OGFR: variants seen among roughly 807,000 people sequenced by gnomAD.
The protein encoded by OGFR is protein 7-60.
OGFR carries 18 observed loss-of-function variants against 33.6 expected under a neutral mutation model. The observed-to-expected ratio is 0.54, with a 90% CI of 0.37 to 0.80. The LOEUF is 0.80. Ranked by LOEUF, OGFR falls within the 30% of genes least tolerant of loss-of-function variation. The probability of loss-of-function intolerance (pLI) is 0.00; values close to 1 mark genes in which losing one functional copy is unlikely to be tolerated. For synonymous variants in OGFR, 370 were observed against 400.7 expected (o/e 0.92, Z 0.91); for missense variants, 877 against 955.8 (o/e 0.92, Z 1.09).
rs1395319420 is a variant in OGFR at position 62,811,568 on chromosome 20, G to C, written c.572G>C (p.Gly191Ala). 4 of 1,601,308 alleles carry C rather than the reference G, an allele frequency of 2.5e-6. No individual in the cohort carries two copies. Among genetic ancestry groups the C allele is most frequent in the Non-Finnish European group, 3.4e-6 (4 of 1,174,898 alleles). The change falls in exon 6 of 7, where the codon GGC (glycine) becomes GCC (alanine). Residue 191 changes from glycine (G) to alanine (A), a missense_variant. Gly to Ala is a moderately conservative substitution (Grantham distance 60). Around this residue, in one of 3 missense-constraint regions of OGFR, gnomAD observed 760 missense variants for 736.0 expected, o/e 1.03. Coordinates refer to ENST00000290291, the MANE Select transcript of OGFR (RefSeq NM_007346.4). Reference protein sequence around the residue: ...RLEDRGTGTVGRAQNYQKRFQ... With the variant: ...RLEDRGTGTVARAQNYQKRFQ... ...GAGGACCGAGGCACGGGCACGGTGG[G>C]CCGAGCACAGAACTACCAGAAGCGC...
At chr20:62,809,466 G>C in intron 3 of OGFR, 119 bp from the exon 4 acceptor site, 1 of 760,684 alleles carries the variant, frequency 1.3e-6, no homozygotes, top group Non-Finnish European at 2.4e-6. Context: ...ATGAGGGCGA[G>C]GAATAGCTTG....
intron 6 of OGFR, 63 bp downstream of exon 6, chr20:62,811,673 G>A (rs979008867): frequency 1.1e-5 from 16 of 1,474,374 alleles, no homozygotes; most frequent in African/African-American, 4.4e-5. Flanking sequence ...GTCAGGTTTC[G>A]GGCAGGTCAC....
rs1403207213 is a variant in OGFR, at chr20:62,812,486, A to G, written c.871A>G (p.Lys291Glu). The change falls in exon 7 of 7, where the codon AAG becomes GAG. Residue 291 changes from lysine (K) to glutamate (E), a missense_variant. Physicochemically the swap from Lys to Glu is moderately conservative, Grantham distance 56. Coordinates refer to ENST00000290291, the MANE Select transcript of OGFR (RefSeq NM_007346.4). Reference protein sequence around the residue: ...RCKFVWGPQDKLRRFKPSSLP... With the variant: ...RCKFVWGPQDELRRFKPSSLP... ...CAAGTTCGTCTGGGGGCCCCAAGAC[A>G]AGCTGCGGAGGTTCAAGCCCAGCTC... 4.4e-6 allele frequency: 7 copies of G among 1,579,704 alleles called. No individual in the cohort carries two copies. The highest frequency in any genetic ancestry group is 6.0e-6 in the Non-Finnish European group (7 of 1,163,286).
rs531358136 is a variant in OGFR, at chr20:62,805,002, C to A, written c.143C>A (p.Pro48Gln). 5.0e-5 allele frequency: 73 copies of A among 1,458,678 alleles called. No homozygotes were observed. Among genetic ancestry groups the A allele is most frequent in the Non-Finnish European group, 6.5e-5 (72 of 1,108,218 alleles). 90.4% of individuals were successfully genotyped at this position (1,458,678 alleles called of 1,614,324 possible). The change falls in exon 1 of 7, where the codon CCG becomes CAG. Residue 48 changes from proline to glutamine, a missense_variant. Physicochemically the swap from Pro to Gln is moderately conservative, Grantham distance 76. This residue lies in a region of OGFR where 760 missense variants were observed against 736.0 expected (regional missense o/e 1.03). Coordinates refer to ENST00000290291, the MANE Select transcript of OGFR (RefSeq NM_007346.4). ...GACGAGGACGAGGAGTCGGAGGAGCCGCGGGCGGCGCGGCCCAGCTCGTTC... is the reference window on the plus strand; with the variant it reads ...GACGAGGACGAGGAGTCGGAGGAGCAGCGGGCGGCGCGGCCCAGCTCGTTC... ...AGDEDEESEE[P>Q]RAARPSSFQS...
At chr20:62,810,271 T>G (rs1487635834) in intron 4 of OGFR, among the ~76,000 whole-genome samples, 2 of 152,174 alleles carry the variant, frequency 1.3e-5, no homozygotes, top group Non-Finnish European at 2.9e-5. Context: ...TCCCCAGTCC[T>G]GCTGAGCATG....
intron 4 of OGFR, 28 bp downstream of exon 4, chr20:62,809,691 G>A (rs1411411627): frequency 6.5e-7 from 1 of 1,531,756 alleles, no homozygotes; most frequent in Admixed American, 1.7e-5. Flanking sequence ...GGGGGATGGG[G>A]GGTTGGCGAG....
chr20:62,812,942 T>C lies in OGFR; in HGVS notation c.1327T>C (p.Cys443Arg). The C allele has an allele frequency of 6.2e-7, 1 of 1,612,236 alleles. No homozygotes were observed. The highest frequency in any genetic ancestry group is 8.5e-7 in the Non-Finnish European group (1 of 1,179,802). Reference protein sequence around the residue: ...GQDPGEAVQPCRQPLGARVAD... With the variant: ...GQDPGEAVQPRRQPLGARVAD... Reference sequence around the variant, plus strand: ...GGACCCTGGGGAGGCAGTGCAGCCCTGCCGCCAACCCCTGGGAGCCAGGGT... The same window carrying C: ...GGACCCTGGGGAGGCAGTGCAGCCCCGCCGCCAACCCCTGGGAGCCAGGGT... Residue 443 changes from cysteine to arginine, a missense_variant, in exon 7 of 7, where the codon TGC becomes CGC. Transcript: ENST00000290291.
In OGFR at chr20:62,808,229, C is replaced by T; in HGVS notation, c.241-18C>T. ...GTGTCTGATGGATCCCTGCTGTCCC[C>T]TTTCTCTGGCTCTTCAGGATCTGGT... On this transcript the variant is annotated intron_variant, in intron 2 of 6. Transcript: ENST00000290291. 1 of 1,604,324 alleles carries T rather than the reference C, an allele frequency of 6.2e-7. No individual in the cohort carries two copies.
At chr20:62,810,434 AG>A in intron 4 of OGFR, 64 bp from the exon 5 acceptor site, 2 of 1,525,974 alleles carry the variant, frequency 1.3e-6, no homozygotes, top group Non-Finnish European at 1.8e-6. Flanking sequence ...CTACACAGCG[AG>A]CACCTGCCCA....
chr20:62,812,587 C>G lies in OGFR; in HGVS notation c.972C>G (p.Ser324Arg), dbSNP rs756096081. ...GSPGDPDHEASTQGRTCGPEH... is the reference protein window; with the variant it reads ...GSPGDPDHEARTQGRTCGPEH... ...CCGGGGACCCCGACCACGAGGCCAGCACCCAGGGTCGGACCTGTGGGCCAG... is the reference window on the plus strand; with the variant it reads ...CCGGGGACCCCGACCACGAGGCCAGGACCCAGGGTCGGACCTGTGGGCCAG... Residue 324 changes from serine (S) to arginine (R), a missense_variant, in exon 7 of 7, where the codon AGC becomes AGG. Around this residue, in one of 3 missense-constraint regions of OGFR, gnomAD observed 760 missense variants for 736.0 expected, o/e 1.03. Coordinates refer to ENST00000290291, the MANE Select transcript of OGFR (RefSeq NM_007346.4). 43 of 1,571,460 alleles carry G rather than the reference C, an allele frequency of 2.7e-5. No individual in the cohort carries two copies. In the Middle Eastern group the frequency reaches 5.0e-4, roughly 18 times the overall value.
intron 1 of OGFR, chr20:62,806,113 T>C (rs1264215362): frequency 6.6e-6 from 1 of 152,340 alleles, no homozygotes; most frequent in Non-Finnish European, 1.5e-5. Flanking sequence ...ACCTGTGGGC[T>C]GACTGTGTGG....
chr20:62,808,183 C>A, intron 2 of OGFR, 64 bp from the exon 3 acceptor site: 1 of 1,294,260 alleles, frequency 7.7e-7, no homozygotes, highest in Non-Finnish European at 1.1e-6. Flanking sequence ...CCGAAAGACA[C>A]GGAGGGCCCC....
intron 3 of OGFR, among the ~76,000 whole-genome samples, chr20:62,809,140 C>A (rs1487104207): frequency 6.6e-6 from 1 of 152,212 alleles, no homozygotes; most frequent in Admixed American, 6.5e-5. Flanking sequence ...CTGCACAAAA[C>A]ACTGTCAGGC....
chr20:62,805,067 C>T (rs1010782975), intron 1 of OGFR, 37 bp downstream of exon 1: 59 of 1,284,176 alleles, frequency 4.6e-5, no homozygotes, highest in Admixed American at 1.3e-4. Flanking sequence ...CTGGGGTCCC[C>T]GGCGCCCCCC....
intron 5 of OGFR, 25 bp downstream of exon 5, chr20:62,810,590 G>A (rs772770407): frequency 5.5e-5 from 89 of 1,609,956 alleles, no homozygotes; most frequent in Non-Finnish European, 7.4e-5. Context: ...GGCTGTGACT[G>A]GAGGGGAAGA....
Position 62,813,617 on chromosome 20 carries a change from G to A in OGFR, c.2002G>A (p.Val668Met), listed in dbSNP as rs765404092. ...GEAAELQDAEVESSAKSGKP is the reference protein window; with the variant it reads ...GEAAELQDAEMESSAKSGKP ...GGCAGCAGAGTTGCAGGACGCAGAG[G>A]TGGAGTCTTCTGCCAAGTCTGGGAA... The change falls in exon 7 of 7, where the codon GTG becomes ATG. Residue 668 changes from valine (V) to methionine (M), a missense_variant. Transcript: ENST00000290291. The A allele has an allele frequency of 8.7e-6, 14 of 1,612,706 alleles. No homozygotes were observed. The highest frequency in any genetic ancestry group is 1.1e-5 in the South Asian group (1 of 91,074).
At chr20:62,806,624 G>A (rs1187735504) in intron 1 of OGFR, 1 of 152,252 alleles carries the variant, frequency 6.6e-6, no homozygotes, top group African/African-American at 2.4e-5. Flanking sequence ...CCCAGCTGGA[G>A]CTCAGCGGGG....
At position 62,811,585 on chromosome 20, in the gene OGFR, C is replaced by A; in HGVS notation, c.589C>A (p.Gln197Lys). The change falls in exon 6 of 7, where the codon CAG (glutamine) becomes AAG (lysine). Residue 197 changes from glutamine (Q) to lysine (K), a missense_variant. Coordinates refer to ENST00000290291, the MANE Select transcript of OGFR (RefSeq NM_007346.4). Reference protein sequence around the residue: ...TGTVGRAQNYQKRFQNLNWRS... With the variant: ...TGTVGRAQNYKKRFQNLNWRS... Reference sequence around the variant, plus strand: ...CACGGTGGGCCGAGCACAGAACTACCAGAAGCGCTTCCAGAACCTGAACTG... The same window carrying A: ...CACGGTGGGCCGAGCACAGAACTACAAGAAGCGCTTCCAGAACCTGAACTG... 1 of 1,596,302 alleles carries A rather than the reference C, an allele frequency of 6.3e-7. No homozygotes were observed. The highest frequency in any genetic ancestry group is 8.5e-7 in the Non-Finnish European group (1 of 1,172,364).
Position 62,813,179 on chromosome 20 carries a change from C to T in OGFR, c.1564C>T (p.Pro522Ser), listed in dbSNP as rs1050607598. 2.6e-6 allele frequency: 4 copies of T among 1,528,488 alleles called. No homozygotes were observed. Among genetic ancestry groups the T allele is most frequent in the South Asian group, 2.3e-5 (2 of 87,148 alleles). The allele number at this position is 1,528,488 out of a possible 1,614,324, so 94.7% of individuals were successfully genotyped here. A position where few individuals can be genotyped will look rare whatever the true frequency, so the allele number is the denominator to read the frequency against. The change falls in exon 7 of 7, where the codon CCA becomes TCA. Residue 522 changes from proline to serine, a missense_variant. By Grantham distance (74) the Pro-to-Ser change is moderately conservative (BLOSUM62 -1). Transcript: ENST00000290291. The part of the protein sequence containing the change: ...EGTPGSPSET[P>S]GPSPAGPAGD... ...TACCCCTGGGAGCCCATCGGAGACC[C>T]CAGGCCCCAGCCCAGCAGGACCTGC...
Sources: gnomAD v4.1 joint callset for allele counts (sites outside exome capture counted in the v4.1 genomes callset) on GRCh38, gnomAD v4.1.1 for gene constraint, gnomAD v4.1.1 regional missense constraint, MANE v1.5 for transcripts, NCBI Gene and HGNC (gene_info 2026-07-23, HGNC 2026-07-21) for gene names.